RASGRP1: variants seen among roughly 807,000 people sequenced by gnomAD.
The protein encoded by RASGRP1 is RAS guanyl releasing protein 1.
A neutral mutation model predicts 95.1 loss-of-function variants in RASGRP1; 37 were observed. That is an observed-to-expected ratio of 0.39 (90% confidence interval 0.30 to 0.51). RASGRP1 has a LOEUF of 0.51. RASGRP1 is among the 20% of genes least tolerant of loss of function. RASGRP1 has a pLI of 0.80. For missense variants in RASGRP1, 711 were observed against 965.4 expected (o/e 0.74, Z 3.49); for synonymous variants, 325 against 353.4 (o/e 0.92, Z 0.90).
rs1890483473 is a variant in RASGRP1, at chr15:38,489,432, GAA to G, written c.*1120_*1121del. On this transcript the variant is annotated 3_prime_UTR_variant, in exon 17 of 17. Transcript: ENST00000310803. ...GAGCAATTTAATCTTGTGACAAACT[GAA>G]CTTTATATTTGTGACTTTGTATAAA... 6.6e-6 allele frequency: 1 copy of G among 152,162 alleles called. No individual in the cohort carries two copies. The highest frequency in any genetic ancestry group is 2.4e-5 in the African/African-American group (1 of 41,394). The allele number at this position is 152,162 out of a possible 1,614,324, so 9.4% of individuals were successfully genotyped here. A position where few individuals can be genotyped will look rare whatever the true frequency, so the allele number is the denominator to read the frequency against.
chr15:38,494,336 C>G (rs746731380), intron 16 of RASGRP1, 46 bp downstream of exon 16: 22 of 1,603,650 alleles, frequency 1.4e-5, no homozygotes, highest in Admixed American at 6.7e-5. Context: ...TTTGGCCCCA[C>G]TTCTCTAAGA....
rs1891523677 is a variant in RASGRP1 at position 38,511,695 on chromosome 15, T to C, written c.875A>G (p.Asn292Ser). 1.2e-6 allele frequency: 2 copies of C among 1,613,594 alleles called. No homozygotes were observed. The highest frequency in any genetic ancestry group is 8.5e-7 in the Non-Finnish European group (1 of 1,179,606). ...CCCACCTATCACAGCCATCAGTGTA[T>C]TGAAGTTCTGTAGTTGGTGGAGCTT... The part of the protein sequence containing the change: ...AQKLHQLQNF[N>S]TLMAVIGGLC... The change falls in exon 8 of 17, where the codon AAT (asparagine) becomes AGT (serine). Residue 292 changes from asparagine to serine, a missense_variant. Physicochemically the swap from Asn to Ser is conservative, Grantham distance 46 (BLOSUM62 1). Transcript: ENST00000310803.
chr15:38,518,223 A>G (rs1891862234), intron 5 of RASGRP1, 69 bp downstream of exon 5: 4 of 1,503,502 alleles, frequency 2.7e-6, no homozygotes, highest in Admixed American at 1.9e-5. Context: ...CAGAAGCCCA[A>G]CAAGCAACTG....
At chr15:38,528,032 C>T (rs1411616109) in intron 2 of RASGRP1, among the ~76,000 whole-genome samples, 2 of 152,078 alleles carry the variant, frequency 1.3e-5, no homozygotes, top group African/African-American at 4.8e-5. Flanking sequence ...ATCTTCCCAT[C>T]CCCAAATCCA....
At chr15:38,531,031 A>T (rs1892415678) in intron 2 of RASGRP1, among the ~76,000 whole-genome samples, 1 of 152,182 alleles carries the variant, frequency 6.6e-6, no homozygotes, top group Non-Finnish European at 1.5e-5. Flanking sequence ...CAGAGATATT[A>T]AAAAAGAGCC....
chr15:38,540,755 A>T (rs1181514456), intron 2 of RASGRP1, among the ~76,000 whole-genome samples: 4 of 152,240 alleles, frequency 2.6e-5, no homozygotes, highest in Non-Finnish European at 4.4e-5. Context: ...TTTTAAGGTC[A>T]TTGTGCAATA....
chr15:38,554,525 T>G (rs1174341235), intron 2 of RASGRP1, among the ~76,000 whole-genome samples: 3 of 152,094 alleles, frequency 2.0e-5, no homozygotes, highest in Non-Finnish European at 4.4e-5. Context: ...CAACAAACAC[T>G]GCCAAGCAGG....
intron 2 of RASGRP1, among the ~76,000 whole-genome samples, chr15:38,547,769 T>G (rs1427132702): frequency 6.6e-6 from 1 of 152,222 alleles, no homozygotes; most frequent in Non-Finnish European, 1.5e-5. Flanking sequence ...GACTGCCATG[T>G]GACGTGGCCT....
intron 8 of RASGRP1, among the ~76,000 whole-genome samples, chr15:38,508,398 T>C (rs1162738537): frequency 6.6e-6 from 1 of 152,212 alleles, no homozygotes; most frequent in East Asian, 1.9e-4. Context: ...CTTGGTGTCT[T>C]CTGAATGCTT....
At chr15:38,500,693 C>G (rs1401527155) in intron 13 of RASGRP1, among the ~76,000 whole-genome samples, 1 of 152,114 alleles carries the variant, frequency 6.6e-6, no homozygotes, top group Non-Finnish European at 1.5e-5. Flanking sequence ...ATGGATGAAT[C>G]ATCGGGCAAA....
chr15:38,494,888 AC>A, intron 15 of RASGRP1, 121 bp from the exon 16 acceptor site: 1 of 978,586 alleles, frequency 1.0e-6, no homozygotes, highest in Non-Finnish European at 1.3e-6. Flanking sequence ...TTCAAAGAGG[AC>A]CCATTTTCAG....
At chr15:38,495,481 C>T (rs1890761778) in intron 15 of RASGRP1, among the ~76,000 whole-genome samples, 1 of 152,134 alleles carries the variant, frequency 6.6e-6, no homozygotes. Context: ...TCTCAGTTTA[C>T]TTTTTGGAAA....
In RASGRP1 at chr15:38,490,315, C is replaced by G. The variant is rs1023922337; in HGVS notation, c.*239G>C. 8.8e-6 allele frequency: 3 copies of G among 341,958 alleles called. No individual in the cohort carries two copies. The highest frequency in any genetic ancestry group is 1.0e-5 in the Non-Finnish European group (2 of 191,744). The allele number at this position is 341,958 out of a possible 1,614,324, so 21.2% of individuals were successfully genotyped here. Reference sequence around the variant, plus strand: ...TAGATCGCATACTTTTGATGAACATCAGTGGTATGAATAGCAAAAGTTTTG... The same window carrying G: ...TAGATCGCATACTTTTGATGAACATGAGTGGTATGAATAGCAAAAGTTTTG... On this transcript the variant is annotated 3_prime_UTR_variant, in exon 17 of 17. Transcript: ENST00000310803.
intron 2 of RASGRP1, among the ~76,000 whole-genome samples, chr15:38,549,344 A>G (rs1430580612): frequency 6.6e-6 from 1 of 152,264 alleles, no homozygotes; most frequent in Admixed American, 6.5e-5. Flanking sequence ...AGGATGTTCC[A>G]TAGTCTATAA....
rs1891872844 is a variant in RASGRP1 at position 38,518,439 on chromosome 15, TAAAAAACACAATCC to T, written c.390-30_390-17del. ...TATCCAATACCTACAAGGAGGGGGT[TAAAAAACACAATCC>T]AAAACTGATACCAAGGACTCACAAT... On this transcript the variant is annotated splice_polypyrimidine_tract_variant and intron_variant, in intron 4 of 16. Coordinates refer to ENST00000310803, the MANE Select transcript of RASGRP1 (RefSeq NM_005739.4). 6 of 1,593,100 alleles carry T rather than the reference TAAAAAACACAATCC, an allele frequency of 3.8e-6. No individual in the cohort carries two copies. Among genetic ancestry groups the T allele is most frequent in the Non-Finnish European group, 5.1e-6 (6 of 1,169,108 alleles).
chr15:38,501,856 T>G (rs1341512602), intron 12 of RASGRP1, among the ~76,000 whole-genome samples: 1 of 146,318 alleles, frequency 6.8e-6, no homozygotes, highest in Non-Finnish European at 1.5e-5. Flanking sequence ...ATTCAGTTTT[T>G]GTTTTTTTTT....
intron 9 of RASGRP1, 54 bp from the exon 10 acceptor site, chr15:38,505,974 A>G (rs957846404): frequency 7.4e-6 from 10 of 1,352,968 alleles, no homozygotes; most frequent in Non-Finnish European, 8.3e-6. Context: ...TGCCTCTCCC[A>G]CAGCTGATGG....
chr15:38,550,004 T>G (rs1468235987), intron 2 of RASGRP1, among the ~76,000 whole-genome samples: 1 of 151,984 alleles, frequency 6.6e-6, no homozygotes, highest in East Asian at 1.9e-4. Flanking sequence ...ATGCCTGTAA[T>G]CCCAGCACTT....
chr15:38,490,597 C>A lies in RASGRP1; in HGVS notation c.2351G>T (p.Ser784Ile), dbSNP rs1890537190. Reference sequence around the variant, plus strand: ...CTCCATTTGAGCTAAGACATGATTGCTTTTTTCAAGCTGGAGGGATTCTAT... The same window carrying A: ...CTCCATTTGAGCTAAGACATGATTGATTTTTTCAAGCTGGAGGGATTCTAT... ...KKIESLQLEK[S>I]NHVLAQMEQG... is the part of the protein sequence containing the mutation. The change falls in exon 17 of 17, where the codon AGC becomes ATC. Residue 784 changes from serine (S) to isoleucine (I), a missense_variant. Physicochemically the swap from Ser to Ile is moderately radical, Grantham distance 142. This residue lies in a region of RASGRP1 where 212 missense variants were observed against 247.8 expected (regional missense o/e 0.86). Transcript: ENST00000310803. The A allele has an allele frequency of 6.2e-7, 1 of 1,612,974 alleles. No homozygotes were observed. The highest frequency in any genetic ancestry group is 1.1e-5 in the South Asian group (1 of 91,014).
Sources: allele counts gnomAD v4.1 joint callset (sites outside exome capture counted in the v4.1 genomes callset), GRCh38; gene constraint gnomAD v4.1.1; regional missense constraint gnomAD v4.1.1; transcripts MANE v1.5; gene names NCBI Gene and HGNC (gene_info 2026-07-23, HGNC 2026-07-21).